The following FOXN2 variants were observed in gnomAD, a reference collection of about 807,000 sequenced individuals.
FOXN2 encodes forkhead box N2, also known as forkhead box protein N2.
In FOXN2, 19 loss-of-function variants were observed where a neutral mutation model predicts 41.2. That is an observed-to-expected ratio of 0.46 (90% confidence interval 0.32 to 0.68). The LOEUF (loss-of-function observed/expected upper bound fraction) is 0.68, where lower values mean the gene tolerates loss of function less well. Among genes scored for constraint, FOXN2 ranks in the 30% least tolerant of loss-of-function variants. The pLI, the probability that FOXN2 is intolerant of heterozygous loss-of-function variation, is 0.03. For missense variants in FOXN2, 587 were observed against 509.4 expected, an observed-to-expected ratio of 1.15 and a Z score of -1.47; for synonymous variants, 195 against 176.8, an observed-to-expected ratio of 1.10 and a Z score of -0.82.
chr2:48,374,723 A>C (rs932427919), intron 6 of FOXN2, among the ~76,000 whole-genome samples, 197 bp from the exon 7 acceptor site: 12 of 152,212 alleles, frequency 7.9e-5, no homozygotes, highest in Non-Finnish European at 4.4e-5. Context: ...AAAAGTCAAG[A>C]CATTGTTAAA....
chr2:48,370,697 T>C (rs889374285), intron 5 of FOXN2, among the ~76,000 whole-genome samples: 1 of 152,210 alleles, frequency 6.6e-6, no homozygotes, highest in Non-Finnish European at 1.5e-5. Context: ...TTTTATATTG[T>C]AGATGTTAAT....
Position 48,375,033 on chromosome 2 carries a change from A to G in FOXN2, c.886A>G (p.Ile296Val). The change falls in exon 7 of 7, where the codon ATT becomes GTT. Residue 296 changes from isoleucine to valine, a missense_variant. By Grantham distance (29) the Ile-to-Val change is conservative. Coordinates refer to ENST00000340553, the MANE Select transcript of FOXN2 (RefSeq NM_002158.4). ...AGAGAGTGATTCTTTAGCCACCAGC[A>G]TTGATCCAAAAGAAGATCACAATTA... is the stretch of plus-strand genomic sequence containing the variant. ...LQESDSLATS[I>V]DPKEDHNYSA... is the part of the protein sequence containing the mutation. 6.2e-7 allele frequency: 1 copy of G among 1,614,100 alleles called. No homozygotes were observed. The highest frequency in any genetic ancestry group is 8.5e-7 in the Non-Finnish European group (1 of 1,179,978).
intron 3 of FOXN2, among the ~76,000 whole-genome samples, chr2:48,353,331 C>T (rs1255929170): frequency 2.6e-5 from 4 of 152,106 alleles, no homozygotes; most frequent in Non-Finnish European, 5.9e-5. Context: ...ACTGCATTTT[C>T]GTAATTCACT....
At chr2:48,352,911 A>C (rs1671546534) in intron 3 of FOXN2, among the ~76,000 whole-genome samples, 1 of 152,166 alleles carries the variant, frequency 6.6e-6, no homozygotes, top group Non-Finnish European at 1.5e-5. Context: ...AAATACCTAC[A>C]AGTTGCTTTT....
Position 48,359,074 on chromosome 2 carries a change from G to A in FOXN2, c.565G>A (p.Val189Ile), listed in dbSNP as rs771446698. Residue 189 changes from valine (V) to isoleucine (I), a missense_variant, in exon 4 of 7, where the codon GTT becomes ATT. By Grantham distance (29) the Val-to-Ile change is conservative. Transcript: ENST00000340553. ...TAATGGAAAAGGTTCCTTATGGTGT[G>A]TTGATCCGGAATATAAACCCAATCT... is the stretch of plus-strand genomic sequence containing the variant. ...KVNGKGSLWCVDPEYKPNLIQ... is the reference protein window; with the variant it reads ...KVNGKGSLWCIDPEYKPNLIQ... 3.1e-6 allele frequency: 5 copies of A among 1,613,512 alleles called. No individual in the cohort carries two copies. Among genetic ancestry groups the A allele is most frequent in the Non-Finnish European group, 4.2e-6 (5 of 1,179,692 alleles).
chr2:48,357,079 G>A (rs1345008666), intron 3 of FOXN2, among the ~76,000 whole-genome samples: 6 of 152,176 alleles, frequency 3.9e-5, no homozygotes, highest in South Asian at 2.1e-4. Flanking sequence ...ACTTTAAAAT[G>A]TAGATTAGCA....
intron 3 of FOXN2, 113 bp from the exon 4 acceptor site, chr2:48,358,934 T>A (rs1671983356): frequency 5.4e-6 from 4 of 743,988 alleles, no homozygotes; most frequent in Non-Finnish European, 8.7e-6. Context: ...AACCTTAGTT[T>A]CATACTCAAA....
intron 2 of FOXN2, among the ~76,000 whole-genome samples, chr2:48,336,408 C>A (rs1297324177): frequency 1.4e-3 from 161 of 117,906 alleles, no homozygotes; most frequent in South Asian, 1.6e-3. Flanking sequence ...CCTCAGTTTC[C>A]AAAAAAAAAA....
At chr2:48,364,999 T>C (rs1672441141) in intron 5 of FOXN2, among the ~76,000 whole-genome samples, 1 of 152,230 alleles carries the variant, frequency 6.6e-6, no homozygotes, top group Non-Finnish European at 1.5e-5. Context: ...TTTTTAAAAG[T>C]ATATCAAAAT....
intron 3 of FOXN2, among the ~76,000 whole-genome samples, chr2:48,347,044 C>T (rs1320682366): frequency 6.6e-6 from 1 of 151,888 alleles, no homozygotes; most frequent in Non-Finnish European, 1.5e-5. Flanking sequence ...GCATTTGATT[C>T]TTTATTCAAT....
At chr2:48,339,554 A>C (rs1489982504) in intron 2 of FOXN2, among the ~76,000 whole-genome samples, 3 of 152,194 alleles carry the variant, frequency 2.0e-5, no homozygotes, top group African/African-American at 7.2e-5. Context: ...TAAGTTACCC[A>C]GTCTCGGATA....
At chr2:48,369,538 CAA>C (rs1256525841) in intron 5 of FOXN2, among the ~76,000 whole-genome samples, 1 of 151,010 alleles carries the variant, frequency 6.6e-6, no homozygotes, top group Non-Finnish European at 1.5e-5. Flanking sequence ...AACTCCATCT[CAA>C]AAAAAAGAAG....
intron 5 of FOXN2, among the ~76,000 whole-genome samples, chr2:48,372,320 A>G (rs1003769640): frequency 1.3e-5 from 2 of 152,214 alleles, no homozygotes; most frequent in African/African-American, 4.8e-5. Context: ...AGAGAAAACA[A>G]GTCATTATCT....
Position 48,373,160 on chromosome 2 carries a change from T to C in FOXN2, c.704-132T>C. On this transcript the variant is annotated intron_variant, in intron 5 of 6. Transcript: ENST00000340553. ...ATAATATATAATATCTCATTTTTGT[T>C]TGATGTGCGTTTATGCTTTCTTAGA... 5.0e-6 allele frequency: 3 copies of C among 600,130 alleles called. No individual in the cohort carries two copies. In the South Asian group the frequency reaches 6.4e-5, roughly 13 times the overall value. The allele number at this position is 600,130 out of a possible 1,614,324, so 37.2% of individuals were successfully genotyped here.
intron 2 of FOXN2, among the ~76,000 whole-genome samples, chr2:48,341,189 T>C (rs1006101501): frequency 2.0e-5 from 3 of 152,168 alleles, no homozygotes; most frequent in African/African-American, 7.2e-5. Context: ...TTTCCTTTTA[T>C]TTATGCATTT....
intron 2 of FOXN2, among the ~76,000 whole-genome samples, chr2:48,339,865 A>G (rs1670624974): frequency 1.3e-5 from 2 of 152,254 alleles, no homozygotes; most frequent in African/African-American, 2.4e-5. Context: ...AGCCCCAAAC[A>G]TAAACAATTA....
rs17855177 is a variant in FOXN2 at position 48,375,113 on chromosome 2, C to T, written c.966C>T (p.Ser322=). 0.32 allele frequency: 509,616 copies of T among 1,613,714 alleles called. 83,827 individuals are homozygous for T. Among genetic ancestry groups the T allele is most frequent in the East Asian group, 0.45 (19,993 of 44,844 alleles). The change falls in exon 7 of 7, where the codon TCC becomes TCT. Residue 322 remains serine (S), a synonymous_variant. Transcript: ENST00000340553. ...QRCASRSSVS[S]LSSVDEVYEF... ...GTGCATCCAGGTCTAGCGTGTCTTC[C>T]CTGTCTTCTGTGGATGAGGTATATG...
chr2:48,326,456 A>G (rs1225426214), intron 1 of FOXN2, among the ~76,000 whole-genome samples: 1 of 152,116 alleles, frequency 6.6e-6, no homozygotes, highest in Non-Finnish European at 1.5e-5. Flanking sequence ...TACATTCTGC[A>G]GTATTACATT....
chr2:48,338,270 G>C (rs1670496919), intron 2 of FOXN2, among the ~76,000 whole-genome samples: 1 of 152,138 alleles, frequency 6.6e-6, no homozygotes, highest in Non-Finnish European at 1.5e-5. Context: ...TCATACCTCA[G>C]GTTTGCTTGC....
Sources: gnomAD v4.1 joint callset for allele counts (sites outside exome capture counted in the v4.1 genomes callset) on GRCh38, gnomAD v4.1.1 for gene constraint, MANE v1.5 for transcripts, NCBI Gene and HGNC (gene_info 2026-07-23, HGNC 2026-07-21) for gene names.